BCAS3: variants seen among roughly 807,000 people sequenced by gnomAD.
BCAS3 encodes BCAS4/BCAS3 fusion.
BCAS3 carries 53 observed loss-of-function variants against 116.1 expected under a neutral mutation model. The ratio of observed to expected loss-of-function variants is 0.46; its 90% CI spans 0.37 to 0.57. BCAS3 has a LOEUF of 0.57. BCAS3 is among the 20% of genes least tolerant of loss of function. The pLI is 0.00. For synonymous variants in BCAS3, 391 were observed against 408.2 expected, an observed-to-expected ratio of 0.96 and a Z score of 0.51; for missense variants, 917 against 1,165.4, an observed-to-expected ratio of 0.79 and a Z score of 3.10.
intron 5 of BCAS3, among the ~76,000 whole-genome samples, chr17:60,735,159 G>A (rs539957912): frequency 1.1e-4 from 17 of 152,190 alleles, no homozygotes; most frequent in African/African-American, 3.6e-4. Context: ...TGACTTTTGT[G>A]TATTAACCTT....
At chr17:60,891,342 G>A (rs924270666) in intron 10 of BCAS3, among the ~76,000 whole-genome samples, 1 of 152,184 alleles carries the variant, frequency 6.6e-6, no homozygotes, top group Admixed American at 6.5e-5. Flanking sequence ...CTTCATAGAT[G>A]CATAGCCTGA....
intron 7 of BCAS3, among the ~76,000 whole-genome samples, chr17:60,864,888 G>C (rs1486564583): frequency 6.6e-6 from 1 of 152,138 alleles, no homozygotes; most frequent in African/African-American, 2.4e-5. Context: ...AGTGATGAAG[G>C]AGGCCTGAGG....
chr17:60,886,205 T>C (rs1395888792), intron 9 of BCAS3, among the ~76,000 whole-genome samples: 3 of 145,230 alleles, frequency 2.1e-5, no homozygotes, highest in African/African-American at 7.8e-5. Flanking sequence ...TCATCTTCCA[T>C]TGCTGATACC....
intron 22 of BCAS3, among the ~76,000 whole-genome samples, chr17:61,250,872 G>A (rs1287503079): frequency 1.3e-5 from 2 of 152,204 alleles, no homozygotes; most frequent in Non-Finnish European, 2.9e-5. Context: ...TATCAGTCTG[G>A]TTTTTGAACA....
rs2058734568 is a variant in BCAS3, at chr17:61,366,391, G to A, written c.2426-1936G>A. ...TTTAGAGATGGAAAAGGAGCTAGAA[G>A]GACTGGCTGTGCATCATGCAGTGAG... On this transcript the variant is annotated intron_variant, in intron 22 of 23. Transcript: ENST00000407086. The surrounding 1 kb of genome is among the most constrained non-coding windows in gnomAD (Gnocchi z 4.5). Among the ~76,000 whole-genome samples, 1 of 152,220 alleles carries A rather than the reference G, an allele frequency of 6.6e-6. No individual in the cohort carries two copies. The highest frequency in any genetic ancestry group is 2.4e-5 in the African/African-American group (1 of 41,456).
chr17:60,934,463 C>G (rs2059817362), intron 13 of BCAS3, among the ~76,000 whole-genome samples: 1 of 152,106 alleles, frequency 6.6e-6, no homozygotes, highest in Non-Finnish European at 1.5e-5. Flanking sequence ...ATAATATAAA[C>G]ATAGTATTTA....
chr17:60,727,224 A>G, intron 5 of BCAS3: 5 of 937,350 alleles, frequency 5.3e-6, no homozygotes, highest in South Asian at 5.2e-5. Flanking sequence ...AAATGCTTAC[A>G]TCTCTGAATG....
chr17:61,068,948 G>T lies in BCAS3; in HGVS notation c.2030-5972G>T, dbSNP rs564116982. Among the ~76,000 whole-genome samples the T allele has an allele frequency of 3.9e-5, 6 of 152,276 alleles. No homozygotes were observed. In the South Asian group the frequency reaches 8.3e-4, roughly 21 times the overall value. On this transcript the variant is annotated intron_variant, in intron 19 of 23. Coordinates refer to ENST00000407086, the MANE Select transcript of BCAS3 (RefSeq NM_017679.5). This position sits in a 1 kb window ranked among gnomAD's most constrained non-coding sequence, Gnocchi z 4.3. ...AATGTTCTTCCTACCTGGATTGAGA[G>T]AAATTTTTTAATATAAATAAATGCA...
At chr17:60,945,636 A>G (rs186251008) in intron 13 of BCAS3, among the ~76,000 whole-genome samples, 1 of 151,154 alleles carries the variant, frequency 6.6e-6, no homozygotes, top group South Asian at 2.1e-4. Context: ...CTCCATCTCT[A>G]CTAAAAATAC....
Position 61,337,286 on chromosome 17 carries a change from TTGG to T in BCAS3, c.2426-31037_2426-31035del, listed in dbSNP as rs1392218046. 3.9e-5 allele frequency among the ~76,000 whole-genome samples: 6 copies of T among 152,178 alleles called. No homozygotes were observed. The highest frequency in any genetic ancestry group is 1.4e-4 in the African/African-American group (6 of 41,452). Reference sequence around the variant, plus strand: ...CAGGTTCACGTATCTTGGGAAGTTATTGGTGGAGAGCACTGGTGTTCCTGGCTA... The same window carrying T: ...CAGGTTCACGTATCTTGGGAAGTTATTGGAGAGCACTGGTGTTCCTGGCTA... On this transcript the variant is annotated intron_variant, in intron 22 of 23. Transcript: ENST00000407086. The surrounding 1 kb of genome is among the most constrained non-coding windows in gnomAD (Gnocchi z 4.8).
chr17:60,973,541 T>C (rs930269291), intron 14 of BCAS3, among the ~76,000 whole-genome samples: 3 of 151,046 alleles, frequency 2.0e-5, no homozygotes, highest in Non-Finnish European at 2.9e-5. Context: ...TCGTCAGTGC[T>C]CTCTGCCCTG....
rs2078162678 is a variant in BCAS3, at chr17:61,161,445, C to A, written c.2425+76881C>A. On this transcript the variant is annotated intron_variant, in intron 22 of 23. Coordinates refer to ENST00000407086, the MANE Select transcript of BCAS3 (RefSeq NM_017679.5). The surrounding 1 kb of genome is among the most constrained non-coding windows in gnomAD (Gnocchi z 4.8). ...AAAGCAGTTGTCCCAATTTCATTAC[C>A]ACAGAGCATAGCGTTTTCAAATTTA... Among the ~76,000 whole-genome samples the A allele has an allele frequency of 6.6e-6, 1 of 152,188 alleles. No individual in the cohort carries two copies. The highest frequency in any genetic ancestry group is 1.5e-5 in the Non-Finnish European group (1 of 68,034).
At chr17:61,292,341 C>T (rs2052498603) in intron 22 of BCAS3, among the ~76,000 whole-genome samples, 1 of 151,938 alleles carries the variant, frequency 6.6e-6, no homozygotes, top group African/African-American at 2.4e-5. Context: ...AAGGATAGTC[C>T]CCTAGTTTGA....
chr17:61,087,255 C>T lies in BCAS3; in HGVS notation c.2425+2691C>T, dbSNP rs1386233344. The T allele has an allele frequency of 1.0e-6, 1 of 977,062 alleles. No individual in the cohort carries two copies. The highest frequency in any genetic ancestry group is 1.2e-6 in the Non-Finnish European group (1 of 822,412). 60.5% of individuals were successfully genotyped at this position (977,062 alleles called of 1,614,324 possible). ...TGGAGATACGACCAGTGTGGCACCT[C>T]CTCTGTTGGTCTTCATTGCCCTGTA... On this transcript the variant is annotated intron_variant, in intron 22 of 23. Transcript: ENST00000407086. The surrounding 1 kb of genome is among the most constrained non-coding windows in gnomAD (Gnocchi z 4.6).
intron 19 of BCAS3, among the ~76,000 whole-genome samples, chr17:61,050,056 A>G (rs2068719496): frequency 6.6e-6 from 1 of 151,966 alleles, no homozygotes. Flanking sequence ...GAAGTATGGA[A>G]AGAAAATAAC....
intron 22 of BCAS3, among the ~76,000 whole-genome samples, chr17:61,185,500 T>G (rs2079713157): frequency 6.6e-6 from 1 of 152,104 alleles, no homozygotes; most frequent in Non-Finnish European, 1.5e-5. Flanking sequence ...AAAACAAAAG[T>G]TAGAGATCGG....
chr17:60,921,635 A>C (rs1028292539), intron 12 of BCAS3, among the ~76,000 whole-genome samples: 6 of 151,292 alleles, frequency 4.0e-5, no homozygotes, highest in South Asian at 4.2e-4. Flanking sequence ...AAAAAAAAAA[A>C]ACATTGACCA....
chr17:61,178,830 T>C (rs1394932302), intron 22 of BCAS3, among the ~76,000 whole-genome samples: 2 of 152,134 alleles, frequency 1.3e-5, no homozygotes, highest in Non-Finnish European at 2.9e-5. Flanking sequence ...CTTTAAGATG[T>C]CAAAATGTGG....
chr17:61,046,502 G>A (rs997985544), intron 19 of BCAS3, among the ~76,000 whole-genome samples: 4 of 151,568 alleles, frequency 2.6e-5, no homozygotes, highest in Non-Finnish European at 4.4e-5. Context: ...TATGACCCAC[G>A]CACATCCCCC....
Sources: allele counts gnomAD v4.1 joint callset (sites outside exome capture counted in the v4.1 genomes callset), GRCh38; gene constraint gnomAD v4.1.1; non-coding constraint Gnocchi (gnomAD v3.1); transcripts MANE v1.5; gene names NCBI Gene and HGNC (gene_info 2026-07-23, HGNC 2026-07-21).